SEMA6A: variants seen among roughly 807,000 people sequenced by gnomAD.
The protein encoded by SEMA6A is semaphorin 6A, also known as semaphorin-6A.
SEMA6A carries 25 observed loss-of-function variants against 96.8 expected under a neutral mutation model. The observed-to-expected ratio is 0.26, with a 90% CI of 0.19 to 0.36. The LOEUF is 0.36. SEMA6A is among the 10% of genes least tolerant of loss of function. The pLI is 1.00. For synonymous variants in SEMA6A, 612 were observed against 518.0 expected, an observed-to-expected ratio of 1.18 and a Z score of -2.46; for missense variants, 1,363 against 1,323.1, an observed-to-expected ratio of 1.03 and a Z score of -0.47.
In SEMA6A at chr5:116,498,746, G is replaced by C. The variant is rs149188974; in HGVS notation, c.219-1359C>G. The C allele has an allele frequency of 3.3e-5, 5 of 152,222 alleles. No individual in the cohort carries two copies. The East Asian group carries it at 9.7e-4, about 29-fold the overall frequency. 9.4% of individuals were successfully genotyped at this position (152,222 alleles called of 1,614,324 possible). A position where few individuals can be genotyped will look rare whatever the true frequency, so the allele number is the denominator to read the frequency against. On this transcript the variant is annotated intron_variant, in intron 3 of 18. Transcript: ENST00000343348. ...TGTTTATTACTTGCTTGACTTTATT[G>C]GTGGTGCTGTGGTCAGACTCATTAT...
intron 1 of SEMA6A, among the ~76,000 whole-genome samples, chr5:116,562,280 T>C (rs905342463): frequency 2.0e-5 from 3 of 152,226 alleles, no homozygotes; most frequent in African/African-American, 7.2e-5. Context: ...TTATAATTCA[T>C]AAGCATAATT....
intron 4 of SEMA6A, among the ~76,000 whole-genome samples, chr5:116,497,103 T>G (rs536346242): frequency 2.0e-5 from 3 of 152,358 alleles, no homozygotes; most frequent in African/African-American, 7.2e-5. Context: ...AACTTCAAAA[T>G]GTATATGTAC....
rs772103880 is a variant in SEMA6A at position 116,477,842 on chromosome 5, C to T, written c.1649+4G>A. 6 of 1,613,652 alleles carry T rather than the reference C, an allele frequency of 3.7e-6. No individual in the cohort carries two copies. Among genetic ancestry groups the T allele is most frequent in the Non-Finnish European group, 5.1e-6 (6 of 1,179,836 alleles). ...CACCCTCTCCCACACCTCAGGCTGC[C>T]TACCTGCTGTTGGGTGATAAATGGC... On this transcript the variant is annotated splice_donor_region_variant and intron_variant, in intron 15 of 18. Transcript: ENST00000343348.
intron 7 of SEMA6A, among the ~76,000 whole-genome samples, chr5:116,491,129 G>A (rs764872305): frequency 2.0e-5 from 3 of 152,166 alleles, no homozygotes; most frequent in South Asian, 2.1e-4. Flanking sequence ...GAAGATGTTT[G>A]TTGGAAGCTT....
chr5:116,480,754 A>G (rs998072898), intron 11 of SEMA6A, among the ~76,000 whole-genome samples: 1 of 152,096 alleles, frequency 6.6e-6, no homozygotes, highest in Admixed American at 6.5e-5. Flanking sequence ...CCGTGTAATC[A>G]TGTTTCATTA....
At chr5:116,448,646 C>T (rs372084840) in intron 18 of SEMA6A, among the ~76,000 whole-genome samples, 13 of 148,202 alleles carry the variant, frequency 8.8e-5, no homozygotes, top group African/African-American at 1.5e-4. Flanking sequence ...AAGTGTTTGC[C>T]TTTTAAGCAA....
intron 16 of SEMA6A, among the ~76,000 whole-genome samples, chr5:116,474,514 A>G (rs575549268): frequency 6.6e-6 from 1 of 152,306 alleles, no homozygotes; most frequent in Non-Finnish European, 1.5e-5. Context: ...CCAATATATA[A>G]TATTTGTAAA....
At chr5:116,463,214 C>T (rs533211890) in intron 18 of SEMA6A, among the ~76,000 whole-genome samples, 12 of 152,166 alleles carry the variant, frequency 7.9e-5, no homozygotes, top group African/African-American at 2.9e-4. Flanking sequence ...AAGAAGATAA[C>T]GCAGAAGACT....
intron 1 of SEMA6A, chr5:116,554,871 T>C (rs1300455210): frequency 1.3e-5 from 2 of 152,202 alleles, no homozygotes; most frequent in African/African-American, 4.8e-5. Flanking sequence ...CAACAGCAGA[T>C]ACAGCCCATT....
chr5:116,490,608 G>C (rs1300037193), intron 7 of SEMA6A, among the ~76,000 whole-genome samples: 1 of 152,152 alleles, frequency 6.6e-6, no homozygotes, highest in East Asian at 1.9e-4. Flanking sequence ...GTAATCCTGT[G>C]CTCTCATTTA....
At position 116,446,920 on chromosome 5, in the gene SEMA6A, T is replaced by C; in HGVS notation, c.2786A>G (p.His929Arg). The stretch of plus-strand genomic sequence containing the variant: ...GTTTCTTTTGAGAGTGGTGGCCTGG[T>C]GGCTTCTCGTGAGCGAGTTCGTGGG... ...SYPTNSLTRS[H>R]QATTLKRNNT... The change falls in exon 19 of 19, where the codon CAC (histidine) becomes CGC (arginine). Residue 929 changes from histidine (H) to arginine (R), a missense_variant. Around this residue, in one of 2 missense-constraint regions of SEMA6A, gnomAD observed 883 missense variants for 763.6 expected, o/e 1.16. Coordinates refer to ENST00000343348, the MANE Select transcript of SEMA6A (RefSeq NM_020796.5). 6.2e-7 allele frequency: 1 copy of C among 1,614,006 alleles called. No homozygotes were observed. Among genetic ancestry groups the C allele is most frequent in the South Asian group, 1.1e-5 (1 of 91,080 alleles).
At chr5:116,453,070 T>C (rs1282577222) in intron 18 of SEMA6A, among the ~76,000 whole-genome samples, 3 of 152,192 alleles carry the variant, frequency 2.0e-5, no homozygotes, top group African/African-American at 4.8e-5. Context: ...CACAGGATCT[T>C]AGCTGGAGCA....
intron 1 of SEMA6A, among the ~76,000 whole-genome samples, chr5:116,530,989 T>A (rs1759444507): frequency 1.3e-5 from 2 of 152,172 alleles, no homozygotes; most frequent in Admixed American, 1.3e-4. Flanking sequence ...TAAGGAGACT[T>A]CCCAAGGTCA....
chr5:116,545,995 G>A (rs552942763), intron 1 of SEMA6A, among the ~76,000 whole-genome samples: 1 of 152,334 alleles, frequency 6.6e-6, no homozygotes, highest in Non-Finnish European at 1.5e-5. Context: ...GGAGGCTAAG[G>A]TGGTTCATTT....
chr5:116,472,788 G>C, intron 17 of SEMA6A: 8 of 919,020 alleles, frequency 8.7e-6, no homozygotes, highest in Non-Finnish European at 1.2e-5. Flanking sequence ...AAGTAACAAA[G>C]AATCTGGTCC....
intron 18 of SEMA6A, among the ~76,000 whole-genome samples, chr5:116,464,487 G>A (rs185644718): frequency 4.9e-4 from 74 of 152,288 alleles, no homozygotes; most frequent in African/African-American, 1.8e-3. Context: ...CTATGATAAT[G>A]CTTCCGCGTG....
At chr5:116,561,398 A>G (rs1235568411) in intron 1 of SEMA6A, among the ~76,000 whole-genome samples, 1 of 152,202 alleles carries the variant, frequency 6.6e-6, no homozygotes, top group East Asian at 1.9e-4. Context: ...CTGGGAGCCA[A>G]TCTATTCTCT....
chr5:116,480,327 T>C (rs371059337), intron 11 of SEMA6A, 50 bp from the exon 12 acceptor site: 106 of 1,603,400 alleles, frequency 6.6e-5, no homozygotes, highest in Non-Finnish European at 8.5e-5. Flanking sequence ...TTCTGCCTTA[T>C]GGCAAATTCT....
At chr5:116,546,366 A>G (rs2112874378) in intron 1 of SEMA6A, among the ~76,000 whole-genome samples, 1 of 152,380 alleles carries the variant, frequency 6.6e-6, no homozygotes, top group East Asian at 1.9e-4. Context: ...ATAATGAGTT[A>G]GCTCACTAGC....
Sources: allele counts gnomAD v4.1 joint callset (sites outside exome capture counted in the v4.1 genomes callset), GRCh38; gene constraint gnomAD v4.1.1; regional missense constraint gnomAD v4.1.1; transcripts MANE v1.5; gene names NCBI Gene and HGNC (gene_info 2026-07-23, HGNC 2026-07-21).